ZGRF1: variants seen among roughly 807,000 people sequenced by gnomAD.
The protein encoded by ZGRF1 is 5'-3' DNA helicase ZGRF1.
Under a neutral mutation model 203.5 loss-of-function variants are expected in ZGRF1, and 196 were observed. The observed-to-expected ratio is 0.96, with a 90% CI of 0.86 to 1.08. ZGRF1 has a LOEUF of 1.08. Among genes scored for constraint, ZGRF1 ranks in the 50% least tolerant of loss-of-function variants. ZGRF1 has a pLI of 0.00. For missense variants in ZGRF1, 2,326 were observed against 2,416.3 expected (o/e 0.96, Z 0.78); for synonymous variants, 809 against 841.3 (o/e 0.96, Z 0.66).
chr4:112,555,859 A>G (rs2148870677), intron 20 of ZGRF1, among the ~76,000 whole-genome samples: 1 of 152,350 alleles, frequency 6.6e-6, no homozygotes, highest in East Asian at 1.9e-4. Flanking sequence ...TTTAAGCATT[A>G]AAGAATCTCT....
intron 24 of ZGRF1, among the ~76,000 whole-genome samples, chr4:112,542,748 TTTTTC>T (rs1404219820): frequency 1.3e-5 from 2 of 152,070 alleles, no homozygotes; most frequent in African/African-American, 2.4e-5. Context: ...TTTATCTATT[TTTTTC>T]TTTTCTTTCC....
chr4:112,570,194 A>C (rs1441785743), intron 16 of ZGRF1, among the ~76,000 whole-genome samples: 1 of 152,198 alleles, frequency 6.6e-6, no homozygotes, highest in Non-Finnish European at 1.5e-5. Flanking sequence ...AAGAGTTTTG[A>C]ATTCAACAAT....
intron 16 of ZGRF1, among the ~76,000 whole-genome samples, chr4:112,576,804 G>A (rs1430776538): frequency 6.6e-6 from 1 of 152,058 alleles, no homozygotes; most frequent in Non-Finnish European, 1.5e-5. Context: ...ACGTCTGATT[G>A]GTGTACCTGA....
At position 112,625,948 on chromosome 4, in the gene ZGRF1, C is replaced by CA. The variant is rs554717197; in HGVS notation, c.103-2073dup. 4.0e-5 allele frequency among the ~76,000 whole-genome samples: 6 copies of CA among 151,406 alleles called. No individual in the cohort carries two copies. The East Asian group carries it at 1.2e-3, about 29-fold the overall frequency. On this transcript the variant is annotated intron_variant, in intron 3 of 27. Transcript: ENST00000505019. ...AAAAAATAAAATATATATGAAGATA[C>CA]ATGCTTCAACATGGAAGAACCCTGA... is the stretch of plus-strand genomic sequence containing the variant.
At chr4:112,586,811 G>T (rs1299425242) in intron 12 of ZGRF1, among the ~76,000 whole-genome samples, 1 of 152,044 alleles carries the variant, frequency 6.6e-6, no homozygotes, top group Non-Finnish European at 1.5e-5. Context: ...CTGCCCCTTA[G>T]TAAGTTTTTA....
intron 20 of ZGRF1, among the ~76,000 whole-genome samples, chr4:112,555,952 G>GT (rs1740853994): frequency 6.6e-6 from 1 of 151,182 alleles, no homozygotes; most frequent in Admixed American, 6.6e-5. Context: ...GTTTTCTTTT[G>GT]TTTTTTAATA....
At chr4:112,586,927 G>A (rs1747286829) in intron 12 of ZGRF1, among the ~76,000 whole-genome samples, 1 of 152,260 alleles carries the variant, frequency 6.6e-6, no homozygotes, top group African/African-American at 2.4e-5. Context: ...CGTGAAATAA[G>A]ATGCACCTTT....
At position 112,567,676 on chromosome 4, in the gene ZGRF1, AAC is replaced by A. The variant is rs532657684; in HGVS notation, c.4439-4404_4439-4403del. Among the ~76,000 whole-genome samples, 6 of 152,288 alleles carry A rather than the reference AAC, an allele frequency of 3.9e-5. No individual in the cohort carries two copies. In the East Asian group the frequency reaches 7.7e-4, roughly 20 times the overall value. ...CACAATGGCTCACACCTATAATCCC[AAC>A]ACTTTAGGAGGCTGAGTCAGGGGGA... On this transcript the variant is annotated intron_variant, in intron 16 of 27. Transcript: ENST00000505019.
chr4:112,620,863 CAAA>C (rs554450313), intron 4 of ZGRF1, among the ~76,000 whole-genome samples: 10 of 61,708 alleles, frequency 1.6e-4, no homozygotes, highest in African/African-American at 1.2e-4. Context: ...GACCCTGTCT[CAAA>C]AAAAAAAAAA....
intron 2 of ZGRF1, among the ~76,000 whole-genome samples, chr4:112,632,749 C>T (rs2047452473): frequency 6.6e-6 from 1 of 151,982 alleles, no homozygotes; most frequent in Admixed American, 6.6e-5. Flanking sequence ...TTAAAGAGTC[C>T]CGAGACCAAA....
chr4:112,560,855 T>C lies in ZGRF1; in HGVS notation c.4838A>G (p.His1613Arg). 1.2e-6 allele frequency: 2 copies of C among 1,613,816 alleles called. No homozygotes were observed. The highest frequency in any genetic ancestry group is 8.5e-7 in the Non-Finnish European group (1 of 1,179,774). ...TGTAGCTTGATCCTTGTTTAACTTG[T>C]GTACCTGAATCAACTCACTAGCTAA... The part of the protein sequence containing the change: ...LKLASELIQV[H>R]KLNKDQATAL... Residue 1613 changes from histidine (H) to arginine (R), a missense_variant, in exon 19 of 28, where the codon CAC becomes CGC. By Grantham distance (29) the His-to-Arg change is conservative (BLOSUM62 0). Transcript: ENST00000505019.
intron 16 of ZGRF1, among the ~76,000 whole-genome samples, chr4:112,565,909 C>G (rs913231422): frequency 1.1e-4 from 17 of 152,196 alleles, no homozygotes; most frequent in African/African-American, 4.1e-4. Flanking sequence ...GGACTGTAAA[C>G]TAGTTCAACC....
chr4:112,630,599 T>C (rs898217265), intron 3 of ZGRF1, among the ~76,000 whole-genome samples: 3 of 152,264 alleles, frequency 2.0e-5, no homozygotes, highest in African/African-American at 4.8e-5. Context: ...ACAGACATTG[T>C]CAATGTGTCC....
At position 112,547,358 on chromosome 4, in the gene ZGRF1, G is replaced by A; in HGVS notation, c.5525C>T (p.Pro1842Leu). The change falls in exon 24 of 28, where the codon CCT (proline) becomes CTT (leucine). Residue 1842 changes from proline (P) to leucine (L), a missense_variant. Coordinates refer to ENST00000505019, the MANE Select transcript of ZGRF1 (RefSeq NM_018392.5). Reference protein sequence around the residue: ...ILVGDPKQLPPTIQGSDAAHE... With the variant: ...ILVGDPKQLPLTIQGSDAAHE... ...AGCTGCATCAGAACCCTGAATAGTA[G>A]GAGGTAGCTGTTTGGGATCCCCAAC... 6.2e-7 allele frequency: 1 copy of A among 1,613,126 alleles called. No individual in the cohort carries two copies.
At position 112,539,448 on chromosome 4, in the gene ZGRF1, T is replaced by A; in HGVS notation, c.*99A>T. 1.6e-6 allele frequency: 1 copy of A among 638,332 alleles called. No individual in the cohort carries two copies. The highest frequency in any genetic ancestry group is 2.4e-6 in the Non-Finnish European group (1 of 420,100). The allele number at this position is 638,332 out of a possible 1,614,324, so 39.5% of individuals were successfully genotyped here. A position where few individuals can be genotyped will look rare whatever the true frequency, so the allele number is the denominator to read the frequency against. On this transcript the variant is annotated 3_prime_UTR_variant, in exon 28 of 28. Transcript: ENST00000505019. ...TTTACTATGTTATTTAAATATCATA[T>A]TTTTAATAAGAGGGTTTAGAGTAAT...
intron 6 of ZGRF1, among the ~76,000 whole-genome samples, chr4:112,616,056 T>C (rs1156276025): frequency 6.6e-6 from 1 of 152,254 alleles, no homozygotes. Flanking sequence ...TCACATGAGA[T>C]ACTCAAAAGT....
rs913246027 is a variant in ZGRF1 at position 112,623,702 on chromosome 4, T to G, written c.162+115A>C. 4 of 626,946 alleles carry G rather than the reference T, an allele frequency of 6.4e-6. No homozygotes were observed. In the African/African-American group the frequency reaches 7.6e-5, roughly 12 times the overall value. The allele number at this position is 626,946 out of a possible 1,614,324, so 38.8% of individuals were successfully genotyped here. ...TTTAGCACAAAGTCTAGCTATAATG[T>G]TCAACAAATACTATTAGTATTAATA... On this transcript the variant is annotated intron_variant, in intron 4 of 27. Transcript: ENST00000505019.
intron 19 of ZGRF1, among the ~76,000 whole-genome samples, chr4:112,558,908 T>G (rs1741440253): frequency 1.3e-5 from 2 of 152,222 alleles, no homozygotes; most frequent in South Asian, 4.1e-4. Flanking sequence ...ATCTCTGTTT[T>G]GATGGAGGTG....
chr4:112,539,542 T>C lies in ZGRF1; in HGVS notation c.*5A>G. Reference sequence around the variant, plus strand: ...ATAAATACAAAATATTTACACCATGTCTTTTTATGAATGAGATTTATCTTT... The same window carrying C: ...ATAAATACAAAATATTTACACCATGCCTTTTTATGAATGAGATTTATCTTT... On this transcript the variant is annotated 3_prime_UTR_variant, in exon 28 of 28. Coordinates refer to ENST00000505019, the MANE Select transcript of ZGRF1 (RefSeq NM_018392.5). 8.0e-7 allele frequency: 1 copy of C among 1,255,618 alleles called. No individual in the cohort carries two copies. The highest frequency in any genetic ancestry group is 2.5e-5 in the East Asian group (1 of 39,576). 77.8% of individuals were successfully genotyped at this position (1,255,618 alleles called of 1,614,324 possible).
Sources: gnomAD v4.1 joint callset for allele counts (sites outside exome capture counted in the v4.1 genomes callset) on GRCh38, gnomAD v4.1.1 for gene constraint, MANE v1.5 for transcripts, NCBI Gene and HGNC (gene_info 2026-07-23, HGNC 2026-07-21) for gene names.